NBEA: variants seen among roughly 807,000 people sequenced by gnomAD.
NBEA encodes lysosomal-trafficking regulator 2.
A neutral mutation model predicts 343.4 loss-of-function variants in NBEA; 44 were observed. That is an observed-to-expected ratio of 0.13 (90% CI 0.10 to 0.16). The LOEUF (loss-of-function observed/expected upper bound fraction) is 0.16, where lower values mean the gene tolerates loss of function less well. Ranked by LOEUF, NBEA falls within the 10% of genes least tolerant of loss-of-function variation. The pLI is 1.00. For missense variants in NBEA, 2,555 were observed against 3,631.3 expected, an observed-to-expected ratio of 0.70 and a Z score of 7.62; for synonymous variants, 1,175 against 1,238.7, an observed-to-expected ratio of 0.95 and a Z score of 1.08.
chr13:35,631,944 T>A (rs2083473004), intron 49 of NBEA, among the ~76,000 whole-genome samples: 1 of 152,196 alleles, frequency 6.6e-6, no homozygotes, highest in South Asian at 2.1e-4. Flanking sequence ...TAATTGATAA[T>A]AAACTTTATC....
At chr13:34,984,740 A>T (rs1440786823) in intron 1 of NBEA, among the ~76,000 whole-genome samples, 1 of 150,924 alleles carries the variant, frequency 6.6e-6, no homozygotes, top group Admixed American at 6.6e-5. Context: ...GTTCTCTTTG[A>T]AGAGGTCCTT....
At chr13:35,629,782 G>T (rs1209308361) in intron 49 of NBEA, among the ~76,000 whole-genome samples, 1 of 152,108 alleles carries the variant, frequency 6.6e-6, no homozygotes, top group Non-Finnish European at 1.5e-5. Context: ...GTACACCCTT[G>T]CTTATTACAT....
chr13:35,350,232 A>G (rs1291348173), intron 37 of NBEA, among the ~76,000 whole-genome samples: 2 of 152,198 alleles, frequency 1.3e-5, no homozygotes, highest in East Asian at 3.9e-4. Flanking sequence ...CATTTAAAAT[A>G]GATTTTCAAG....
intron 39 of NBEA, among the ~76,000 whole-genome samples, chr13:35,433,968 A>T (rs1482536785): frequency 1.3e-5 from 2 of 152,090 alleles, no homozygotes; most frequent in African/African-American, 4.8e-5. Flanking sequence ...TATAAAGACA[A>T]TTTGTAACAG....
chr13:35,386,057 C>A (rs971891003), intron 38 of NBEA, among the ~76,000 whole-genome samples: 1 of 151,676 alleles, frequency 6.6e-6, no homozygotes, highest in Admixed American at 6.6e-5. Flanking sequence ...AATAGAAAAC[C>A]TACAATGTTT....
chr13:35,286,220 TA>T (rs1446466838), intron 34 of NBEA, among the ~76,000 whole-genome samples: 1 of 152,122 alleles, frequency 6.6e-6, no homozygotes, highest in Non-Finnish European at 1.5e-5. Flanking sequence ...ATATGTTTGG[TA>T]AATGTTTTTT....
At chr13:35,288,644 T>G (rs2035595674) in intron 34 of NBEA, among the ~76,000 whole-genome samples, 1 of 151,966 alleles carries the variant, frequency 6.6e-6, no homozygotes, top group African/African-American at 2.4e-5. Flanking sequence ...ATAAGTTCAT[T>G]TTAAAAATTG....
Position 35,320,297 on chromosome 13 carries a change from A to G in NBEA, c.5903+10705A>G, listed in dbSNP as rs540514847. Among the ~76,000 whole-genome samples, 246 of 152,340 alleles carry G rather than the reference A, an allele frequency of 1.6e-3. 1 individual carries two copies. The highest frequency in any genetic ancestry group is 5.7e-3 in the African/African-American group (237 of 41,576). On this transcript the variant is annotated intron_variant, in intron 36 of 58. Transcript: ENST00000379939. ...CTCTTGCAAGGCAGACCTGGTGGTG[A>G]CAAAATCTCTCAGCATTTGCTTTTC...
intron 38 of NBEA, among the ~76,000 whole-genome samples, chr13:35,427,017 T>A (rs2044725956): frequency 6.6e-6 from 1 of 152,208 alleles, no homozygotes; most frequent in Non-Finnish European, 1.5e-5. Context: ...CATTGGTTAT[T>A]CTAGTTAGCC....
chr13:35,228,634 A>G (rs1192921620), intron 33 of NBEA, among the ~76,000 whole-genome samples: 1 of 151,760 alleles, frequency 6.6e-6, no homozygotes, highest in Non-Finnish European at 1.5e-5. Context: ...AAGTGAGAAC[A>G]TGTGGTATTC....
At chr13:35,010,048 G>C (rs1396124129) in intron 1 of NBEA, among the ~76,000 whole-genome samples, 1 of 152,128 alleles carries the variant, frequency 6.6e-6, no homozygotes, top group Non-Finnish European at 1.5e-5. Flanking sequence ...TCTTGGCCCT[G>C]TTCAGTTTTA....
At chr13:35,144,616 T>A (rs894349976) in intron 18 of NBEA, among the ~76,000 whole-genome samples, 3 of 152,166 alleles carry the variant, frequency 2.0e-5, no homozygotes, top group Non-Finnish European at 4.4e-5. Flanking sequence ...CTGTTTCATT[T>A]CCCCTTCCCC....
intron 30 of NBEA, among the ~76,000 whole-genome samples, 154 bp downstream of exon 30, chr13:35,184,225 C>T (rs943746505): frequency 5.9e-5 from 9 of 151,852 alleles, no homozygotes; most frequent in East Asian, 3.9e-4. Flanking sequence ...CTATTGAGAG[C>T]GAAGTATAGC....
intron 17 of NBEA, among the ~76,000 whole-genome samples, chr13:35,126,160 C>T (rs1016072304): frequency 2.0e-5 from 3 of 152,118 alleles, no homozygotes; most frequent in African/African-American, 7.2e-5. Flanking sequence ...TAGTGAGTCG[C>T]ATGAGATCTG....
intron 2 of NBEA, among the ~76,000 whole-genome samples, chr13:35,043,062 A>T (rs2062712078): frequency 1.3e-5 from 2 of 151,978 alleles, no homozygotes; most frequent in Admixed American, 1.3e-4. Flanking sequence ...TCTCCAGCAA[A>T]GAAGACCGTC....
chr13:35,349,201 A>G lies in NBEA; in HGVS notation c.5997A>G (p.Lys1999=), dbSNP rs1368022592. The stretch of plus-strand genomic sequence containing the variant: ...GACAAAGAGCCGAGGATGTACATAA[A>G]CATGCAGAGTTTGAGGTAAGGTTTT... ...LNRQRAEDVH[K]HAEFESQCAQ... The change falls in exon 37 of 59, where the codon AAA becomes AAG. Residue 1999 remains lysine, a synonymous_variant. Coordinates refer to ENST00000379939, the MANE Select transcript of NBEA (RefSeq NM_001385012.1). The G allele has an allele frequency of 6.3e-7, 1 of 1,595,284 alleles. No homozygotes were observed. Among genetic ancestry groups the G allele is most frequent in the Non-Finnish European group, 8.6e-7 (1 of 1,169,306 alleles).
chr13:35,653,488 G>C (rs1284092807), intron 53 of NBEA, among the ~76,000 whole-genome samples: 1 of 151,810 alleles, frequency 6.6e-6, no homozygotes, highest in African/African-American at 2.4e-5. Context: ...GCACCACCAC[G>C]CCTGTCTAAT....
chr13:35,397,951 C>T (rs976538107), intron 38 of NBEA, among the ~76,000 whole-genome samples: 1 of 152,094 alleles, frequency 6.6e-6, no homozygotes, highest in Non-Finnish European at 1.5e-5. Context: ...GTTGACTCTT[C>T]CCTTCACAAA....
At chr13:35,074,527 A>G (rs1338058265) in intron 10 of NBEA, among the ~76,000 whole-genome samples, 1 of 152,148 alleles carries the variant, frequency 6.6e-6, no homozygotes, top group Admixed American at 6.5e-5. Context: ...CCAGTGTAAT[A>G]TATTGCGTAA....
Sources: allele counts gnomAD v4.1 joint callset (sites outside exome capture counted in the v4.1 genomes callset), GRCh38; gene constraint gnomAD v4.1.1; transcripts MANE v1.5; gene names NCBI Gene and HGNC (gene_info 2026-07-23, HGNC 2026-07-21).